NLRP2: variants seen among roughly 807,000 people sequenced by gnomAD.
NLRP2 encodes NACHT, LRR and PYD domains-containing protein 2.
In NLRP2, 107 loss-of-function variants were observed where a neutral mutation model predicts 97.2. The ratio of observed to expected loss-of-function variants is 1.10; its 90% confidence interval spans 0.94 to 1.29. NLRP2 has a LOEUF of 1.29. NLRP2 is among the 50% of genes most tolerant of loss of function. The pLI is 0.00. For missense variants in NLRP2, 1,495 were observed against 1,330.3 expected (o/e 1.12, Z -1.93); for synonymous variants, 663 against 551.5 (o/e 1.20, Z -2.83).
In NLRP2 at chr19:54,983,673, A is replaced by T; in HGVS notation, c.1975A>T (p.Lys659Ter). The change falls in exon 6 of 13, where the codon AAG becomes TAG. Residue 659 changes from lysine to a stop codon, truncating the protein, a stop_gained. Transcript: ENST00000448584. LOFTEE classifies it high-confidence loss of function. ...GCAGAAAATGTCACTGCAGGTAATA[A>T]AGGAGAATCTCCCGGAGAATGTCAC... ...NLQKMSLQVI[K>*]ENLPENVTAS... 1 of 1,613,976 alleles carries T rather than the reference A, an allele frequency of 6.2e-7. No homozygotes were observed. Among genetic ancestry groups the T allele is most frequent in the Non-Finnish European group, 8.5e-7 (1 of 1,180,030 alleles).
In NLRP2 at chr19:54,972,968, C is replaced by T. The variant is rs994165037; in HGVS notation, c.281-1532C>T. On this transcript the variant is annotated intron_variant, in intron 2 of 12. Coordinates refer to ENST00000448584, the MANE Select transcript of NLRP2 (RefSeq NM_017852.5). ...CTTTGGGAGGCCAAGGCGGGTGGAT[C>T]ACTTGAGGCCAGGAGTTTGAGACCA... Among the ~76,000 whole-genome samples the T allele has an allele frequency of 4.3e-4, 65 of 152,074 alleles. 1 individual carries two copies. Among genetic ancestry groups the T allele is most frequent in the Middle Eastern group, 6.8e-3 (2 of 294 alleles).
In NLRP2 at chr19:54,990,602, A is replaced by C. The variant is rs1470792877; in HGVS notation, c.2638A>C (p.Ile880Leu). The change falls in exon 10 of 13, where the codon ATT (isoleucine) becomes CTT (leucine). Residue 880 changes from isoleucine (I) to leucine (L), a missense_variant. Transcript: ENST00000448584. Reference sequence around the variant, plus strand: ...ACACCTGTGCTTGGCCAAGAACCCCATTGGGAATACAGGGGTGAAGTTTCT... The same window carrying C: ...ACACCTGTGCTTGGCCAAGAACCCCCTTGGGAATACAGGGGTGAAGTTTCT... ...LTHLCLAKNP[I>L]GNTGVKFLCE... is the part of the protein sequence containing the mutation. 6.2e-7 allele frequency: 1 copy of C among 1,614,138 alleles called. No individual in the cohort carries two copies.
chr19:54,975,134 T>TG (rs2071136321), intron 3 of NLRP2, among the ~76,000 whole-genome samples: 1 of 36,648 alleles, frequency 2.7e-5, no homozygotes, highest in African/African-American at 1.5e-4. Context: ...TTTTTTTTTT[T>TG]TTTTTTTTTG....
chr19:54,968,350 GTT>G (rs756038452), intron 1 of NLRP2, among the ~76,000 whole-genome samples: 2 of 151,524 alleles, frequency 1.3e-5, no homozygotes, highest in Non-Finnish European at 2.9e-5. Flanking sequence ...CCAGTGTTGT[GTT>G]TTTGTTTGTT....
rs62124625 is a variant in NLRP2, at chr19:54,966,821, C to G, written c.-18+354C>G. On this transcript the variant is annotated intron_variant, in intron 1 of 12. Transcript: ENST00000448584. Reference sequence around the variant, plus strand: ...GATTACAGGCGTGAGCCACCGCGCCCAGCCTTTTTTTTTTTTTTTTTTTTT... The same window carrying G: ...GATTACAGGCGTGAGCCACCGCGCCGAGCCTTTTTTTTTTTTTTTTTTTTT... Among the ~76,000 whole-genome samples, 878 of 141,324 alleles carry G rather than the reference C, an allele frequency of 6.2e-3. 5 individuals are homozygous for G. Among genetic ancestry groups the G allele is most frequent in the Non-Finnish European group, 0.01 (678 of 65,484 alleles). 92.7% of individuals were successfully genotyped at this position (141,324 alleles called of 152,430 possible). A position where few individuals can be genotyped will look rare whatever the true frequency, so the allele number is the denominator to read the frequency against.
intron 4 of NLRP2, among the ~76,000 whole-genome samples, chr19:54,980,206 T>G (rs889147242): frequency 1.0e-5 from 1 of 97,490 alleles, no homozygotes; most frequent in Non-Finnish European, 2.2e-5. Context: ...TGTTTTGTTT[T>G]GTTTTTTTTT....
intron 8 of NLRP2, chr19:54,989,674 C>T (rs1360796497): frequency 5.0e-6 from 2 of 398,262 alleles, no homozygotes; most frequent in Non-Finnish European, 9.4e-6. Context: ...GACGATTCCA[C>T]GGTTAGATTC....
intron 8 of NLRP2, 54 bp downstream of exon 8, chr19:54,986,369 G>C: frequency 1.3e-6 from 2 of 1,524,344 alleles, no homozygotes; most frequent in Non-Finnish European, 1.8e-6. Context: ...GCTACCACAA[G>C]CTTATGTGGC....
In NLRP2 at chr19:54,990,205, T is replaced by C. The variant is rs767916030; in HGVS notation, c.2537+13T>C. 1.2e-6 allele frequency: 2 copies of C among 1,613,750 alleles called. No individual in the cohort carries two copies. The highest frequency in any genetic ancestry group is 2.2e-5 in the East Asian group (1 of 44,880). On this transcript the variant is annotated intron_variant, in intron 9 of 12. Transcript: ENST00000448584. ...TGCAGAGGTTGTCGTAAGTCTCTCC[T>C]CTCTTACAGAGCAGCTGTGCTTTCG...
rs535855426 is a variant in NLRP2 at position 54,987,370 on chromosome 19, G to A, written c.2366+1055G>A. Among the ~76,000 whole-genome samples the A allele has an allele frequency of 5.9e-5, 9 of 152,280 alleles. No individual in the cohort carries two copies. In the South Asian group the frequency reaches 1.7e-3, roughly 28 times the overall value. On this transcript the variant is annotated intron_variant, in intron 8 of 12. Transcript: ENST00000448584. ...AGCTCTCCCCTTGGGAAGCTGTCCA[G>A]TGGCTGCCCAGGCGATGAGAACCTA...
At chr19:54,980,200 T>A (rs1459414289) in intron 4 of NLRP2, among the ~76,000 whole-genome samples, 1 of 105,386 alleles carries the variant, frequency 9.5e-6, no homozygotes, top group Non-Finnish European at 2.0e-5. Context: ...AAGAAATGTT[T>A]TGTTTTGTTT....
At chr19:54,980,744 A>C (rs1299752372) in intron 4 of NLRP2, among the ~76,000 whole-genome samples, 1 of 150,708 alleles carries the variant, frequency 6.6e-6, no homozygotes, top group East Asian at 2.1e-4. Context: ...CATGGCAAAC[A>C]GGGAGTTTGT....
intron 5 of NLRP2, 97 bp downstream of exon 5, chr19:54,981,779 T>TTATG (rs1261837413): frequency 4.8e-6 from 4 of 827,512 alleles, no homozygotes; most frequent in East Asian, 2.4e-5. Flanking sequence ...AAGCATTTAT[T>TTATG]TATGTATGTA....
chr19:54,970,400 C>T (rs2070771483), intron 2 of NLRP2, 105 bp downstream of exon 2: 5 of 1,403,422 alleles, frequency 3.6e-6, no homozygotes, highest in Non-Finnish European at 5.0e-6. Context: ...CCTGTCGTCC[C>T]AGCCCTTTGG....
Position 54,985,063 on chromosome 19 carries a change from C to A in NLRP2, c.2047C>A (p.His683Asn). ...AEVERSQDDQ[H>N]MLPFWTDLCS... is the part of the protein sequence containing the mutation. ...TCCCTATAGATCCCAGGATGATCAG[C>A]ACATGCTTCCTTTCTGGACGGACCT... Residue 683 changes from histidine (H) to asparagine (N), a missense_variant, in exon 7 of 13, where the codon CAC (histidine) becomes AAC (asparagine). His to Asn is a moderately conservative substitution (Grantham distance 68, BLOSUM62 1). Transcript: ENST00000448584. The A allele has an allele frequency of 6.2e-7, 1 of 1,614,098 alleles. No individual in the cohort carries two copies. Among genetic ancestry groups the A allele is most frequent in the Non-Finnish European group, 8.5e-7 (1 of 1,180,008 alleles).
rs751065392 is a variant in NLRP2, at chr19:54,985,211, G to C, written c.2195G>C (p.Arg732Thr). Residue 732 changes from arginine (R) to threonine (T), a missense_variant, in exon 7 of 13, where the codon AGA becomes ACA. Physicochemically the swap from Arg to Thr is moderately conservative, Grantham distance 71 (BLOSUM62 -1). Transcript: ENST00000448584. ...QIASDTCHLQ[R>T]VVFKNISPAD... ...GCCTCTGACACCTGTCATCTCCAGA[G>C]AGTGGTGTAAGTAGAAACTAATTCA... The C allele has an allele frequency of 1.2e-5, 20 of 1,613,808 alleles. No homozygotes were observed. In the Admixed American group the frequency reaches 3.3e-4, roughly 27 times the overall value.
chr19:54,985,049 C>T lies in NLRP2; in HGVS notation c.2033C>T (p.Ser678Phe). Reference sequence around the variant, plus strand: ...ACCCTTTCTTCTCTTCCCTATAGATCCCAGGATGATCAGCACATGCTTCCT... The same window carrying T: ...ACCCTTTCTTCTCTTCCCTATAGATTCCAGGATGATCAGCACATGCTTCCT... ...ASESDAEVER[S>F]QDDQHMLPFW... is the part of the protein sequence containing the mutation. The change falls in exon 7 of 13, where the codon TCC becomes TTC. Residue 678 changes from serine (S) to phenylalanine (F), a missense_variant and splice_region_variant. Transcript: ENST00000448584. The T allele has an allele frequency of 6.2e-7, 1 of 1,613,976 alleles. No homozygotes were observed. Among genetic ancestry groups the T allele is most frequent in the South Asian group, 1.1e-5 (1 of 91,080 alleles).
At chr19:54,976,853 T>C in intron 3 of NLRP2, 1 of 415,988 alleles carries the variant, frequency 2.4e-6, no homozygotes, top group Admixed American at 2.8e-5. Flanking sequence ...GCTTGCTCTT[T>C]TGCCAGGCTG....
intron 12 of NLRP2, among the ~76,000 whole-genome samples, chr19:54,999,577 A>C (rs2146575996): frequency 6.6e-6 from 1 of 152,288 alleles, no homozygotes; most frequent in South Asian, 2.1e-4. Context: ...TCTGTGTATG[A>C]TAATCAACAA....
Sources: allele counts gnomAD v4.1 joint callset (sites outside exome capture counted in the v4.1 genomes callset), GRCh38; gene constraint gnomAD v4.1.1; transcripts MANE v1.5; gene names NCBI Gene and HGNC (gene_info 2026-07-23, HGNC 2026-07-21).